Variants in EFCAB13 observed in about 807,000 individuals in gnomAD.
EFCAB13 encodes EF-hand calcium binding domain 13, also known as EF-hand calcium-binding domain-containing protein 13.
A neutral mutation model predicts 110.2 loss-of-function variants in EFCAB13; 91 were observed. That is an observed-to-expected ratio of 0.83 (90% CI 0.70 to 0.98). The LOEUF (loss-of-function observed/expected upper bound fraction) is 0.98. EFCAB13 is among the 50% of genes least tolerant of loss of function. The pLI, the probability that EFCAB13 is intolerant of heterozygous loss-of-function variation, is 0.00. For synonymous variants in EFCAB13, 323 were observed against 369.9 expected (o/e 0.87, Z 1.45); for missense variants, 968 against 1,119.4 (o/e 0.86, Z 1.93).
At chr17:47,379,014 A>C (rs1410753814) in intron 13 of EFCAB13, among the ~76,000 whole-genome samples, 168 bp from the exon 14 acceptor site, 1 of 152,204 alleles carries the variant, frequency 6.6e-6, no homozygotes, top group Non-Finnish European at 1.5e-5. Flanking sequence ...ATAATTGTTC[A>C]AATGAACTGA....
intron 15 of EFCAB13, among the ~76,000 whole-genome samples, chr17:47,393,563 T>A (rs983108146): frequency 4.0e-5 from 6 of 151,860 alleles, no homozygotes; most frequent in African/African-American, 1.5e-4. Flanking sequence ...CCTAAAAATA[T>A]GAAAATTAAC....
chr17:47,338,952 A>C (rs974179102), intron 5 of EFCAB13, among the ~76,000 whole-genome samples: 6 of 152,152 alleles, frequency 3.9e-5, no homozygotes, highest in African/African-American at 1.4e-4. Flanking sequence ...ATTAAAAATA[A>C]ATTTAAGAAA....
intron 6 of EFCAB13, 133 bp downstream of exon 6, chr17:47,342,165 T>A (rs2065389422): frequency 3.8e-6 from 2 of 532,356 alleles, no homozygotes; most frequent in South Asian, 6.0e-5. Flanking sequence ...TTGCTTCTCC[T>A]CTTCTGTTCT....
At chr17:47,367,892 G>A (rs2065557186) in intron 10 of EFCAB13, among the ~76,000 whole-genome samples, 1 of 152,126 alleles carries the variant, frequency 6.6e-6, no homozygotes, top group Non-Finnish European at 1.5e-5. Flanking sequence ...CCAGATTTCT[G>A]AGAACAAAGT....
intron 9 of EFCAB13, among the ~76,000 whole-genome samples, chr17:47,354,288 CT>C (rs1193239353): frequency 3.7e-4 from 57 of 152,160 alleles, no homozygotes; most frequent in African/African-American, 1.3e-3. Context: ...GTTTTGTGGC[CT>C]ACCATATGGT....
chr17:47,397,683 G>A (rs2065749452), intron 17 of EFCAB13, among the ~76,000 whole-genome samples: 1 of 150,770 alleles, frequency 6.6e-6, no homozygotes, highest in East Asian at 2.0e-4. Context: ...GGGATGTGAG[G>A]AGCGCCTCTA....
intron 5 of EFCAB13, among the ~76,000 whole-genome samples, chr17:47,339,536 G>A (rs577104145): frequency 6.6e-6 from 1 of 152,154 alleles, no homozygotes; most frequent in East Asian, 1.9e-4. Context: ...GAGCTCAGGT[G>A]GTAATGCTTA....
At chr17:47,370,595 A>T (rs1488382019) in intron 11 of EFCAB13, 87 bp downstream of exon 11, 10 of 923,806 alleles carry the variant, frequency 1.1e-5, no homozygotes, top group Non-Finnish European at 1.5e-5. Flanking sequence ...TATTTTATAA[A>T]GGGTTTTGAA....
intron 9 of EFCAB13, among the ~76,000 whole-genome samples, chr17:47,359,971 C>T (rs2065503662): frequency 6.6e-6 from 1 of 151,736 alleles, no homozygotes; most frequent in Non-Finnish European, 1.5e-5. Flanking sequence ...TTTTTTATGG[C>T]TGCATAGTAT....
chr17:47,432,399 A>AAAAT (rs60375757), intron 24 of EFCAB13, among the ~76,000 whole-genome samples: 43,279 of 138,260 alleles, frequency 0.31, 7,204 homozygotes, highest in African/African-American at 0.42. Flanking sequence ...ATCCATCTCA[A>AAAAT]AAATAAATAA....
At chr17:47,371,189 A>G (rs1363373739) in intron 11 of EFCAB13, among the ~76,000 whole-genome samples, 4 of 150,638 alleles carry the variant, frequency 2.7e-5, no homozygotes, top group Non-Finnish European at 4.4e-5. Context: ...TGTCTCTTCA[A>G]TCTGTTATTT....
chr17:47,367,647 AC>A (rs2064053661), intron 10 of EFCAB13, among the ~76,000 whole-genome samples: 2 of 152,066 alleles, frequency 1.3e-5, no homozygotes, highest in African/African-American at 4.8e-5. Flanking sequence ...GAGCAAGAAC[AC>A]CCACTACGTT....
At position 47,351,279 on chromosome 17, in the gene EFCAB13, C is replaced by CTGTGTGTGTGTGTGTGTGTGTGTG. The variant is rs140772791; in HGVS notation, c.661+3331_661+3354dup. Among the ~76,000 whole-genome samples, 453 of 127,914 alleles carry CTGTGTGTGTGTGTGTGTGTGTGTG rather than the reference C, an allele frequency of 3.5e-3. 4 individuals are homozygous for CTGTGTGTGTGTGTGTGTGTGTGTG. Among genetic ancestry groups the CTGTGTGTGTGTGTGTGTGTGTGTG allele is most frequent in the Middle Eastern group, 7.8e-3 (2 of 258 alleles). The allele number at this position is 127,914 out of a possible 152,430, so 83.9% of individuals were successfully genotyped here. On this transcript the variant is annotated intron_variant, in intron 9 of 24. Transcript: ENST00000331493. ...TTTTCTGTGGCTGACTAGTATTCCACTGTGTGTGTGTGTGTGTGTGTGTGT... is the reference window on the plus strand; with the variant it reads ...TTTTCTGTGGCTGACTAGTATTCCACTGTGTGTGTGTGTGTGTGTGTGTGTGTGTGTGTGTGTGTGTGTGTGTGT...
At chr17:47,386,285 G>A (rs574792776) in intron 14 of EFCAB13, among the ~76,000 whole-genome samples, 2 of 152,320 alleles carry the variant, frequency 1.3e-5, no homozygotes, top group East Asian at 3.9e-4. Context: ...AGTGAGATGG[G>A]AGTTTTATCT....
intron 3 of EFCAB13, among the ~76,000 whole-genome samples, chr17:47,327,265 A>G (rs1422582959): frequency 6.6e-6 from 1 of 152,038 alleles, no homozygotes; most frequent in African/African-American, 2.4e-5. Context: ...TCCTGGGTTC[A>G]AGCAGTTCTT....
At chr17:47,423,162 C>A (rs1258593428) in intron 23 of EFCAB13, among the ~76,000 whole-genome samples, 1 of 151,980 alleles carries the variant, frequency 6.6e-6, no homozygotes, top group Non-Finnish European at 1.5e-5. Flanking sequence ...GGACAAATAG[C>A]AGAATGTGAA....
intron 23 of EFCAB13, among the ~76,000 whole-genome samples, chr17:47,416,674 A>C (rs1178835842): frequency 6.6e-6 from 1 of 152,060 alleles, no homozygotes; most frequent in Non-Finnish European, 1.5e-5. Context: ...TATAAGTGAG[A>C]GCATGCAGTA....
chr17:47,409,967 T>C lies in EFCAB13; in HGVS notation c.2278+276T>C, dbSNP rs539450015. 2.0e-5 allele frequency among the ~76,000 whole-genome samples: 3 copies of C among 152,290 alleles called. No homozygotes were observed. The East Asian group carries it at 5.8e-4, about 29-fold the overall frequency. ...TTCTGTACTTCAACTAAATTGGCTT[T>C]ACTTTAGTTCCTTAGATACTCCCCT... On this transcript the variant is annotated intron_variant, in intron 21 of 24. Transcript: ENST00000331493.
intron 9 of EFCAB13, among the ~76,000 whole-genome samples, chr17:47,355,068 G>A (rs118182440): frequency 1.3e-5 from 2 of 152,166 alleles, no homozygotes; most frequent in Admixed American, 6.5e-5. Flanking sequence ...AGTCAGTAGT[G>A]CTGGTTTGGT....
Sources: allele counts gnomAD v4.1 joint callset (sites outside exome capture counted in the v4.1 genomes callset), GRCh38; gene constraint gnomAD v4.1.1; transcripts MANE v1.5; gene names NCBI Gene and HGNC (gene_info 2026-07-23, HGNC 2026-07-21).